The following MCF2L variants were observed in gnomAD, a reference collection of about 807,000 sequenced individuals.
MCF2L encodes guanine nucleotide exchange factor DBS.
A neutral mutation model predicts 153.4 loss-of-function variants in MCF2L; 97 were observed. The observed-to-expected ratio is 0.63, with a 90% CI of 0.54 to 0.75. MCF2L has a LOEUF of 0.75. Among genes scored for constraint, MCF2L ranks in the 30% least tolerant of loss-of-function variants. The pLI, the probability that MCF2L is intolerant of heterozygous loss-of-function variation, is 0.00. For synonymous variants in MCF2L, 659 were observed against 632.2 expected (o/e 1.04, Z -0.64); for missense variants, 1,347 against 1,495.2 (o/e 0.90, Z 1.64).
At chr13:113,077,679 G>A (rs930951043) in intron 13 of MCF2L, among the ~76,000 whole-genome samples, 3 of 152,170 alleles carry the variant, frequency 2.0e-5, no homozygotes, top group Middle Eastern at 3.2e-3. Flanking sequence ...CCACGTCCGC[G>A]CACCTCAGTC....
chr13:113,071,213 G>A (rs530196304), intron 9 of MCF2L, among the ~76,000 whole-genome samples: 1 of 152,018 alleles, frequency 6.6e-6, no homozygotes, highest in African/African-American at 2.4e-5. Context: ...TCTTATTTCT[G>A]TTGCCCATTT....
At chr13:112,917,032 A>G (rs2081299615) in intron 2 of MCF2L, 1 of 469,666 alleles carries the variant, frequency 2.1e-6, no homozygotes, top group African/African-American at 2.0e-5. Flanking sequence ...GCCAAGTCTG[A>G]GTTCTCCCCG....
At chr13:112,914,283 A>G (rs1334750247) in intron 2 of MCF2L, among the ~76,000 whole-genome samples, 1 of 152,170 alleles carries the variant, frequency 6.6e-6, no homozygotes, top group African/African-American at 2.4e-5. Context: ...TACAAAAGGT[A>G]GCACATGGTA....
At chr13:112,981,569 G>A (rs556771370) in intron 1 of MCF2L, among the ~76,000 whole-genome samples, 2 of 152,354 alleles carry the variant, frequency 1.3e-5, no homozygotes, top group African/African-American at 2.4e-5. Context: ...TGGCATCTGG[G>A]TGGAGCGGCC....
intron 2 of MCF2L, among the ~76,000 whole-genome samples, chr13:113,020,925 GTGTGTATGCATGTGCATGTGTAGC>G (rs1200635982): frequency 6.6e-6 from 1 of 151,482 alleles, no homozygotes; most frequent in Non-Finnish European, 1.5e-5. Flanking sequence ...TGTATGTGTA[GTGTGTATGCATGTGCATGTGTAGC>G]TGTGTATGTG....
intron 1 of MCF2L, among the ~76,000 whole-genome samples, chr13:112,898,458 C>G (rs560666092): frequency 6.6e-6 from 1 of 152,134 alleles, no homozygotes; most frequent in Non-Finnish European, 1.5e-5. Flanking sequence ...CGGCAGGTGC[C>G]GGAACTGAGT....
chr13:112,898,076 C>T (rs1442753623), intron 1 of MCF2L, among the ~76,000 whole-genome samples: 1 of 152,240 alleles, frequency 6.6e-6, no homozygotes, highest in African/African-American at 2.4e-5. Context: ...GCCGCCGCCC[C>T]CACCTCTACT....
chr13:112,926,443 C>T (rs1157463761), intron 2 of MCF2L, among the ~76,000 whole-genome samples: 1 of 152,080 alleles, frequency 6.6e-6, no homozygotes, highest in Admixed American at 6.5e-5. Context: ...TTTCTATACA[C>T]AGCGGAGTAC....
chr13:112,978,133 C>T (rs1003232582), intron 1 of MCF2L, among the ~76,000 whole-genome samples: 4 of 152,226 alleles, frequency 2.6e-5, no homozygotes, highest in Non-Finnish European at 5.9e-5. Context: ...ACGCGAAATG[C>T]GCCATCTGTT....
chr13:113,066,790 C>T (rs929630806), intron 8 of MCF2L, among the ~76,000 whole-genome samples: 2 of 152,098 alleles, frequency 1.3e-5, no homozygotes, highest in Non-Finnish European at 2.9e-5. Flanking sequence ...TGCTATCAGC[C>T]CTGCCTCCGA....
intron 4 of MCF2L, among the ~76,000 whole-genome samples, chr13:113,049,223 C>T (rs939773186): frequency 2.0e-5 from 3 of 152,078 alleles, no homozygotes; most frequent in Non-Finnish European, 2.9e-5. Context: ...GTCATAGGAG[C>T]TGGTTGTGCA....
chr13:113,059,665 T>C (rs1446686629), intron 4 of MCF2L, among the ~76,000 whole-genome samples: 1 of 152,156 alleles, frequency 6.6e-6, no homozygotes, highest in Non-Finnish European at 1.5e-5. Flanking sequence ...ACGCACGCCT[T>C]GGTCCATTTC....
intron 3 of MCF2L, among the ~76,000 whole-genome samples, chr13:113,026,462 T>C (rs929824205): frequency 2.6e-5 from 4 of 152,224 alleles, no homozygotes; most frequent in African/African-American, 9.6e-5. Flanking sequence ...TGCCGTTTTT[T>C]CCTGGAGCTC....
intron 1 of MCF2L, among the ~76,000 whole-genome samples, chr13:113,007,930 T>C (rs1179737108): frequency 6.6e-6 from 1 of 150,536 alleles, no homozygotes; most frequent in Non-Finnish European, 1.5e-5. Context: ...TTTTTTTTTT[T>C]TTTTGAGATG....
chr13:113,020,780 CTGTGTGTATGTGTAGA>C (rs61727998), intron 2 of MCF2L, among the ~76,000 whole-genome samples: 26,138 of 151,976 alleles, frequency 0.17, 2,398 homozygotes, highest in East Asian at 0.33. Flanking sequence ...ATATGTGTAG[CTGTGTGTATGTGTAGA>C]TGTGTGTATG....
At chr13:112,947,649 C>A (rs2081651378) in intron 2 of MCF2L, among the ~76,000 whole-genome samples, 1 of 152,224 alleles carries the variant, frequency 6.6e-6, no homozygotes, top group African/African-American at 2.4e-5. Context: ...CCATGCCCCA[C>A]CTTCTGGACA....
chr13:113,099,082 GA>G lies in MCF2L; in HGVS notation c.*2225del, dbSNP rs1419181439. On this transcript the variant is annotated 3_prime_UTR_variant, in exon 30 of 30. Transcript: ENST00000535094. ...TGGAGATTTAAAATAAAAGAAGACA[GA>G]ACAGACAAACACCATAAGAAAGCTG... is the stretch of plus-strand genomic sequence containing the variant. 1 of 152,180 alleles carries G rather than the reference GA, an allele frequency of 6.6e-6. No individual in the cohort carries two copies. The highest frequency in any genetic ancestry group is 1.5e-5 in the Non-Finnish European group (1 of 68,050). The allele number at this position is 152,180 out of a possible 1,614,324, so 9.4% of individuals were successfully genotyped here.
chr13:112,968,690 T>C (rs897288158), upstream of MCF2L: 9 of 1,433,226 alleles, frequency 6.3e-6, no homozygotes, highest in Non-Finnish European at 8.2e-6. Flanking sequence ...CTGCAGCTTC[T>C]ACACCTGCCA....
chr13:112,979,327 C>A, intron 1 of MCF2L: 1 of 1,228,212 alleles, frequency 8.1e-7, no homozygotes, highest in Middle Eastern at 3.3e-4. Context: ...TTGCACACAG[C>A]AGGCAGGCCC....
Sources: gnomAD v4.1 joint callset for allele counts (sites outside exome capture counted in the v4.1 genomes callset) on GRCh38, gnomAD v4.1.1 for gene constraint, MANE v1.5 for transcripts, NCBI Gene and HGNC (gene_info 2026-07-23, HGNC 2026-07-21) for gene names.